DRC12: variants seen among roughly 807,000 people sequenced by gnomAD.
DRC12 encodes dynein regulatory complex protein 12.
the DRC12 span, chr11:119,193,897 C>T: frequency 1.3e-6 from 2 of 1,550,630 alleles, no homozygotes; most frequent in African/African-American, 2.7e-5. Flanking sequence ...TGTGAGCAGT[C>T]CCAGAGCCGC....
chr11:119,193,630 T>C, the DRC12 span: 2 of 1,460,368 alleles, frequency 1.4e-6, no homozygotes, highest in Non-Finnish European at 1.8e-6. Context: ...TCCTGATTTG[T>C]ACTGTTTGGG....
At chr11:119,195,179 A>G in the DRC12 span, 10 of 629,874 alleles carry the variant, frequency 1.6e-5, no homozygotes, top group Non-Finnish European at 2.8e-5. Context: ...CATAACAGAT[A>G]TGCAAAATAC....
At chr11:119,193,231 T>C in the DRC12 span, 367 of 1,614,038 alleles carry the variant, frequency 2.3e-4, 1 homozygote, top group Non-Finnish European at 1.4e-4. Flanking sequence ...GGCATGGCAC[T>C]GGCGACTCAT....
the DRC12 span, chr11:119,195,248 TG>T: frequency 1.5e-6 from 1 of 656,326 alleles, no homozygotes; most frequent in Admixed American, 2.9e-5. Context: ...AGAGCGTGGG[TG>T]ACCATTTCCC....
At chr11:119,192,770 C>T in the DRC12 span, among the ~76,000 whole-genome samples, 1 of 152,166 alleles carries the variant, frequency 6.6e-6, no homozygotes, top group African/African-American at 2.4e-5. Flanking sequence ...CTTCAGCCTC[C>T]CGAGTAGCTG....
the DRC12 span, among the ~76,000 whole-genome samples, chr11:119,194,541 A>AAAAAAAAAAAAAAAAAAG: frequency 2.7e-4 from 18 of 66,034 alleles, 1 homozygote; most frequent in East Asian, 6.1e-4. Context: ...AAAAAAAAAA[A>AAAAAAAAAAAAAAAAAAG]AAAATAAATA....
At chr11:119,195,127 C>T in the DRC12 span, 1 of 735,734 alleles carries the variant, frequency 1.4e-6, no homozygotes, top group East Asian at 2.7e-5. Flanking sequence ...TCCACAGTGG[C>T]AGAGTCTACT....
the DRC12 span, chr11:119,195,322 A>G: frequency 9.1e-7 from 1 of 1,098,454 alleles, no homozygotes; most frequent in Admixed American, 2.1e-5. Flanking sequence ...AGAGAGCTCC[A>G]TCCTGTCCTG....
the DRC12 span, chr11:119,195,607 C>T: frequency 2.6e-6 from 2 of 783,114 alleles, no homozygotes; most frequent in African/African-American, 3.5e-5. Flanking sequence ...CTCTCATATC[C>T]TTCAGAAAAG....
chr11:119,193,673 C>G, the DRC12 span: 1 of 1,514,884 alleles, frequency 6.6e-7, no homozygotes, highest in Non-Finnish European at 8.9e-7. Context: ...AGTCGGAAGC[C>G]CTCCTTGTTT....
the DRC12 span, chr11:119,193,755 C>A: frequency 6.4e-7 from 1 of 1,551,534 alleles, no homozygotes; most frequent in Admixed American, 2.0e-5. Context: ...CCTGCTTAAC[C>A]GACCACACAC....
chr11:119,191,529 G>T, the DRC12 span, among the ~76,000 whole-genome samples: 14 of 151,880 alleles, frequency 9.2e-5, no homozygotes, highest in African/African-American at 2.9e-4. Context: ...TTCATTGGCC[G>T]GGTGCGGTGG....
At chr11:119,193,208 T>C in the DRC12 span, 318 of 1,614,116 alleles carry the variant, frequency 2.0e-4, 1 homozygote, top group African/African-American at 3.9e-3. Flanking sequence ...CGGGTTTGCA[T>C]ATCCTCCTGC....
At chr11:119,195,560 A>G in the DRC12 span, 2 of 1,220,864 alleles carry the variant, frequency 1.6e-6, no homozygotes, top group Non-Finnish European at 2.4e-6. Context: ...CCTGAGCTTT[A>G]GACTGAACCA....
the DRC12 span, chr11:119,195,410 C>T: frequency 6.4e-7 from 1 of 1,550,422 alleles, no homozygotes; most frequent in East Asian, 2.4e-5. Context: ...GCACCTCCAC[C>T]CACCATGACT....
chr11:119,190,629 AGTC>A, the DRC12 span: 3 of 1,570,366 alleles, frequency 1.9e-6, no homozygotes, highest in East Asian at 6.8e-5. This position sits in a 1 kb window ranked among gnomAD's most constrained non-coding sequence, Gnocchi z 4.2. Flanking sequence ...CTGGGTTGTC[AGTC>A]ATCATACGAG....
At chr11:119,190,340 G>A in the DRC12 span, 3 of 1,614,128 alleles carry the variant, frequency 1.9e-6, no homozygotes, top group Non-Finnish European at 2.5e-6. The surrounding 1 kb of genome is among the most constrained non-coding windows in gnomAD (Gnocchi z 4.2). Context: ...TCCAGGGGGG[G>A]TGAGTCCAAA....
the DRC12 span, chr11:119,193,603 G>A: frequency 7.0e-7 from 1 of 1,438,570 alleles, no homozygotes; most frequent in Non-Finnish European, 9.1e-7. Flanking sequence ...ACCTGCCTTT[G>A]GTTCCTGCAG....
At chr11:119,192,679 C>T in the DRC12 span, among the ~76,000 whole-genome samples, 1 of 152,136 alleles carries the variant, frequency 6.6e-6, no homozygotes, top group Non-Finnish European at 1.5e-5. Flanking sequence ...CAGAGTCTTG[C>T]TCTGTTGCCC....
Sources: allele counts gnomAD v4.1 joint callset (sites outside exome capture counted in the v4.1 genomes callset), GRCh38; gene constraint gnomAD v4.1.1; non-coding constraint Gnocchi (gnomAD v3.1); transcripts MANE v1.5; gene names NCBI Gene and HGNC (gene_info 2026-07-23, HGNC 2026-07-21).